ARHGAP6: variants seen among roughly 807,000 people sequenced by gnomAD.
ARHGAP6 encodes Rho GTPase activating protein 6, also known as rho GTPase-activating protein 6.
A neutral mutation model predicts 55.7 loss-of-function variants in ARHGAP6; 16 were observed. That is an observed-to-expected ratio of 0.29 (90% CI 0.19 to 0.44). The LOEUF (loss-of-function observed/expected upper bound fraction) is 0.44. Among genes scored for constraint, ARHGAP6 ranks in the 20% least tolerant of loss-of-function variants. The probability of loss-of-function intolerance (pLI) is 1.00; values close to 1 mark genes in which losing one functional copy is unlikely to be tolerated. For synonymous variants in ARHGAP6, 382 were observed against 360.9 expected, an observed-to-expected ratio of 1.06 and a Z score of -0.66; for missense variants, 698 against 808.9, an observed-to-expected ratio of 0.86 and a Z score of 1.66.
At chrX:11,406,473 TAC>T (rs759273461) in intron 1 of ARHGAP6, among the ~76,000 whole-genome samples, 4 of 111,145 alleles carry the variant, frequency 3.6e-5, no homozygotes, top group Non-Finnish European at 5.7e-5. Flanking sequence ...CTGTAAACTA[TAC>T]ACACACACAC....
At chrX:11,499,284 GTTTA>G (rs916723490) in intron 1 of ARHGAP6, among the ~76,000 whole-genome samples, 1 of 111,884 alleles carries the variant, frequency 8.9e-6, no homozygotes, top group African/African-American at 3.2e-5. Flanking sequence ...GAACCCTAAT[GTTTA>G]TTGCGGAATT....
chrX:11,268,751 G>A (rs1054078597), intron 1 of ARHGAP6, among the ~76,000 whole-genome samples: 2 of 111,423 alleles, frequency 1.8e-5, no homozygotes, highest in East Asian at 5.7e-4. Context: ...TCTTTGCCTA[G>A]TGTAGTCCCC....
intron 1 of ARHGAP6, among the ~76,000 whole-genome samples, chrX:11,354,295 T>TCTCTCTC (rs2048900541): frequency 9.7e-5 from 4 of 41,039 alleles, no homozygotes; most frequent in Non-Finnish European, 1.6e-4. Flanking sequence ...CTCTCTCTCT[T>TCTCTCTC]TCTCTCTCTC....
chrX:11,255,945 G>C (rs909282498), intron 1 of ARHGAP6, among the ~76,000 whole-genome samples: 2 of 112,233 alleles, frequency 1.8e-5, no homozygotes, highest in Non-Finnish European at 3.8e-5. Context: ...CATGTATCAG[G>C]CATGCTGCAA....
intron 1 of ARHGAP6, chrX:11,294,634 T>G: frequency 1.6e-6 from 1 of 644,813 alleles, no homozygotes; most frequent in African/African-American, 2.2e-5. Flanking sequence ...GGAAATCACA[T>G]ATGACTGAAG....
chrX:11,595,726 A>G (rs2051893744), intron 1 of ARHGAP6, among the ~76,000 whole-genome samples: 1 of 112,297 alleles, frequency 8.9e-6, no homozygotes, highest in African/African-American at 3.2e-5. Context: ...AAACAATTTT[A>G]CAAGGGGAAA....
chrX:11,654,998 A>G lies in ARHGAP6; in HGVS notation c.588+9243T>C, dbSNP rs150535126. Among the ~76,000 whole-genome samples, 111 of 112,026 alleles carry G rather than the reference A, an allele frequency of 9.9e-4. 2 individuals are homozygous for G. The East Asian group carries it at 0.025, about 25-fold the overall frequency. On this transcript the variant is annotated intron_variant, in intron 1 of 12. Coordinates refer to ENST00000337414, the MANE Select transcript of ARHGAP6 (RefSeq NM_013427.3). ...AACCATCACCTGTATCTAATTCCAG[A>G]ACATTTTCATTACCCTAAGAAGAAA...
At position 11,330,796 on chromosome X, in the gene ARHGAP6, C is replaced by A. The variant is rs1313305928; in HGVS notation, c.589-76089G>T. On this transcript the variant is annotated intron_variant, in intron 1 of 12. Coordinates refer to ENST00000337414, the MANE Select transcript of ARHGAP6 (RefSeq NM_013427.3). ...GATTTAGCAAATCAATTGGAGTCAC[C>A]CAGTGAATGGTGTCATCATCTCAGC... Among the ~76,000 whole-genome samples the A allele has an allele frequency of 1.1e-4, 12 of 111,785 alleles. No homozygotes were observed. In the East Asian group the frequency reaches 2.8e-3, roughly 26 times the overall value.
chrX:11,597,253 TATA>T (rs1218975270), intron 1 of ARHGAP6, among the ~76,000 whole-genome samples: 3 of 112,362 alleles, frequency 2.7e-5, no homozygotes, highest in African/African-American at 9.7e-5. Flanking sequence ...CAAGTACTGT[TATA>T]ATTAGACAAA....
intron 1 of ARHGAP6, among the ~76,000 whole-genome samples, chrX:11,318,377 TA>T (rs2048385125): frequency 2.7e-5 from 3 of 112,289 alleles, no homozygotes; most frequent in Admixed American, 9.5e-5. Flanking sequence ...ATCATAAATA[TA>T]AAAATAAGCA....
At chrX:11,486,923 T>C (rs2050516652) in intron 1 of ARHGAP6, among the ~76,000 whole-genome samples, 2 of 111,401 alleles carry the variant, frequency 1.8e-5, no homozygotes, top group Non-Finnish European at 3.8e-5. Flanking sequence ...CCAAGAAAGG[T>C]GAGCAAAGCA....
chrX:11,403,784 A>G (rs943729460), intron 1 of ARHGAP6, among the ~76,000 whole-genome samples: 1 of 112,525 alleles, frequency 8.9e-6, no homozygotes, highest in African/African-American at 3.2e-5. Flanking sequence ...CCTTCTTGGC[A>G]AAATCTGTTA....
Position 11,137,956 on chromosome X carries a change from T to G in ARHGAP6, c.*907A>C, listed in dbSNP as rs2045568987. ...CAAAGGGAAAAAACATGTTCTATAATTTGAATATTCTGTGTAGATTCTTAA... is the reference window on the plus strand; with the variant it reads ...CAAAGGGAAAAAACATGTTCTATAAGTTGAATATTCTGTGTAGATTCTTAA... On this transcript the variant is annotated 3_prime_UTR_variant, in exon 13 of 13. Transcript: ENST00000337414. The G allele has an allele frequency of 8.9e-6, 1 of 112,298 alleles. No homozygotes were observed. The highest frequency in any genetic ancestry group is 1.9e-5 in the Non-Finnish European group (1 of 53,276). The allele number at this position is 112,298 out of a possible 1,213,427, so 9.3% of individuals were successfully genotyped here.
At chrX:11,452,777 A>G (rs2050155912) in intron 1 of ARHGAP6, among the ~76,000 whole-genome samples, 1 of 111,733 alleles carries the variant, frequency 8.9e-6, no homozygotes, top group Non-Finnish European at 1.9e-5. Flanking sequence ...GCATTTGCAC[A>G]CAAGAATCTC....
chrX:11,333,758 A>G (rs1227591546), intron 1 of ARHGAP6, among the ~76,000 whole-genome samples: 3 of 112,260 alleles, frequency 2.7e-5, no homozygotes, highest in Non-Finnish European at 5.6e-5. Flanking sequence ...TGGTCTGTTG[A>G]TAAGGTTGCT....
intron 9 of ARHGAP6, among the ~76,000 whole-genome samples, chrX:11,158,756 T>C (rs2045899660): frequency 8.9e-6 from 1 of 112,368 alleles, no homozygotes; most frequent in East Asian, 2.8e-4. Flanking sequence ...CTCCCTCAGG[T>C]CTTCTCTTCC....
At chrX:11,444,308 C>T (rs111579152) in intron 1 of ARHGAP6, among the ~76,000 whole-genome samples, 2 of 112,391 alleles carry the variant, frequency 1.8e-5, no homozygotes, top group Non-Finnish European at 3.8e-5. Flanking sequence ...GAATGTTGAC[C>T]ACTGGTTTAG....
At chrX:11,141,760 C>A (rs2045621947) in intron 12 of ARHGAP6, among the ~76,000 whole-genome samples, 1 of 111,950 alleles carries the variant, frequency 8.9e-6, no homozygotes, top group Non-Finnish European at 1.9e-5. Context: ...GACGCACTTC[C>A]CTGTTTGGGA....
chrX:11,182,635 C>CTTTTT (rs1043810466), intron 5 of ARHGAP6, among the ~76,000 whole-genome samples: 1 of 83,131 alleles, frequency 1.2e-5, no homozygotes, highest in Admixed American at 1.3e-4. Flanking sequence ...TTCCTTTTTT[C>CTTTTT]TTTTTTTTTT....
Sources: allele counts gnomAD v4.1 joint callset (sites outside exome capture counted in the v4.1 genomes callset), GRCh38; gene constraint gnomAD v4.1.1; transcripts MANE v1.5; gene names NCBI Gene and HGNC (gene_info 2026-07-23, HGNC 2026-07-21).